Variants in ZMIZ1 observed in about 807,000 individuals in gnomAD.
ZMIZ1 encodes zinc finger MIZ domain-containing protein 1.
ZMIZ1 carries 17 observed loss-of-function variants against 113.9 expected under a neutral mutation model. That is an observed-to-expected ratio of 0.15 (90% CI 0.10 to 0.22). The LOEUF (loss-of-function observed/expected upper bound fraction) is 0.22, where lower values mean the gene tolerates loss of function less well. Ranked by LOEUF, ZMIZ1 falls within the 10% of genes least tolerant of loss-of-function variation. The pLI is 1.00. For missense variants in ZMIZ1, 1,059 were observed against 1,477.8 expected (o/e 0.72, Z 4.65); for synonymous variants, 607 against 603.1 (o/e 1.01, Z -0.09).
intron 7 of ZMIZ1, among the ~76,000 whole-genome samples, chr10:79,272,355 C>T (rs1269329908): frequency 1.3e-5 from 2 of 152,162 alleles, no homozygotes; most frequent in Non-Finnish European, 2.9e-5. Context: ...TAAACCGAAG[C>T]CCAGAGAGAT....
intron 24 of ZMIZ1, among the ~76,000 whole-genome samples, chr10:79,312,162 C>G (rs1015909676): frequency 1.3e-5 from 2 of 152,366 alleles, no homozygotes; most frequent in Admixed American, 1.3e-4. Context: ...TGGCTGCCAG[C>G]CAGCCACAGG....
At chr10:79,277,045 A>G in intron 7 of ZMIZ1, 136 bp from the exon 8 acceptor site, 1 of 1,119,432 alleles carries the variant, frequency 8.9e-7, no homozygotes, top group Non-Finnish European at 1.2e-6. Flanking sequence ...AGGGCTGAGT[A>G]AGTCTTCTGG....
chr10:79,224,240 C>T (rs1317529184), intron 7 of ZMIZ1, among the ~76,000 whole-genome samples: 1 of 152,208 alleles, frequency 6.6e-6, no homozygotes, highest in Non-Finnish European at 1.5e-5. Flanking sequence ...CAAGTAATGG[C>T]TCTATCTGGA....
chr10:79,229,472 T>G (rs1849311926), intron 7 of ZMIZ1, among the ~76,000 whole-genome samples: 1 of 152,182 alleles, frequency 6.6e-6, no homozygotes, highest in South Asian at 2.1e-4. Flanking sequence ...GGGGCTGGAC[T>G]CCTGTAGGGA....
At chr10:79,202,485 G>T (rs1347611576) in intron 5 of ZMIZ1, among the ~76,000 whole-genome samples, 2 of 152,088 alleles carry the variant, frequency 1.3e-5, no homozygotes, top group Non-Finnish European at 2.9e-5. Flanking sequence ...GAGGTCCTAG[G>T]AAATCATATC....
chr10:79,249,417 G>A (rs1042018134), intron 7 of ZMIZ1, among the ~76,000 whole-genome samples: 3 of 152,182 alleles, frequency 2.0e-5, no homozygotes, highest in African/African-American at 4.8e-5. Flanking sequence ...TGGCCAGCCC[G>A]GAGCATGAGG....
At chr10:79,229,933 C>T (rs371686450) in intron 7 of ZMIZ1, among the ~76,000 whole-genome samples, 8 of 152,136 alleles carry the variant, frequency 5.3e-5, no homozygotes, top group African/African-American at 9.7e-5. Flanking sequence ...TACAACAGCC[C>T]GCAACAGGGA....
intron 7 of ZMIZ1, among the ~76,000 whole-genome samples, chr10:79,275,147 C>T (rs745893526): frequency 3.3e-5 from 5 of 152,150 alleles, no homozygotes; most frequent in African/African-American, 4.8e-5. Flanking sequence ...GCTGGAGGCT[C>T]GTTTTTGTGT....
intron 3 of ZMIZ1, among the ~76,000 whole-genome samples, chr10:79,147,032 T>C (rs142193994): frequency 6.6e-6 from 1 of 152,240 alleles, no homozygotes; most frequent in African/African-American, 2.4e-5. Context: ...TCTCTCGCTA[T>C]TTGTCCAAGT....
intron 3 of ZMIZ1, among the ~76,000 whole-genome samples, chr10:79,155,484 T>C (rs1845871587): frequency 6.6e-6 from 1 of 152,260 alleles, no homozygotes; most frequent in South Asian, 2.1e-4. Context: ...GGTCTCAGTT[T>C]GTCTCTGTTC....
In ZMIZ1 at chr10:79,296,444, T is replaced by C; in HGVS notation, c.1231-27T>C. On this transcript the variant is annotated intron_variant, in intron 12 of 24. Transcript: ENST00000334512. This position sits in a 1 kb window ranked among gnomAD's most constrained non-coding sequence, Gnocchi z 4.1. ...TGACGTTGGCAACATTGAACGTGTT[T>C]CCCCTCTCCTTTCTCTCCCACCACA... is the stretch of plus-strand genomic sequence containing the variant. 1 of 1,612,812 alleles carries C rather than the reference T, an allele frequency of 6.2e-7. No homozygotes were observed. Among genetic ancestry groups the C allele is most frequent in the South Asian group, 1.1e-5 (1 of 91,034 alleles).
At chr10:79,297,013 A>G (rs911170531) in intron 13 of ZMIZ1, 3 of 197,228 alleles carry the variant, frequency 1.5e-5, no homozygotes, top group Non-Finnish European at 3.0e-5. Flanking sequence ...AACATGTTAT[A>G]AAATTGTTAT....
At chr10:79,117,703 G>T (rs1227245872) in intron 1 of ZMIZ1, among the ~76,000 whole-genome samples, 4 of 152,168 alleles carry the variant, frequency 2.6e-5, no homozygotes, top group Non-Finnish European at 4.4e-5. Flanking sequence ...CTTCCAAGTG[G>T]TGGGTCTAGT....
At chr10:79,237,648 G>A (rs745502052) in intron 7 of ZMIZ1, among the ~76,000 whole-genome samples, 15 of 152,204 alleles carry the variant, frequency 9.9e-5, no homozygotes, top group Middle Eastern at 3.2e-3. Flanking sequence ...AAGGACACTA[G>A]TTCTGATGGA....
chr10:79,080,112 C>T (rs1056937494), intron 1 of ZMIZ1, among the ~76,000 whole-genome samples: 3 of 152,148 alleles, frequency 2.0e-5, no homozygotes, highest in African/African-American at 2.4e-5. Flanking sequence ...AGTCACTCTG[C>T]CTCCCTGCTC....
chr10:79,194,782 C>T (rs1414754746), intron 4 of ZMIZ1, among the ~76,000 whole-genome samples: 2 of 152,154 alleles, frequency 1.3e-5, no homozygotes, highest in Admixed American at 1.3e-4. Context: ...TCCAAGCAGC[C>T]CTCTATACAT....
At chr10:79,119,434 C>A (rs61122759) in intron 2 of ZMIZ1, among the ~76,000 whole-genome samples, 1,737 of 152,310 alleles carry the variant, frequency 0.011, 32 homozygotes, top group African/African-American at 0.04. Context: ...ATCACAGCAG[C>A]CTTATGAGAG....
intron 4 of ZMIZ1, among the ~76,000 whole-genome samples, chr10:79,190,679 G>T (rs998198875): frequency 4.6e-5 from 7 of 152,160 alleles, no homozygotes; most frequent in African/African-American, 1.7e-4. Context: ...CCCCTGTGTG[G>T]CTAGGTAGAA....
chr10:79,159,512 A>T (rs766149173), intron 3 of ZMIZ1, among the ~76,000 whole-genome samples: 3 of 152,056 alleles, frequency 2.0e-5, no homozygotes, highest in Non-Finnish European at 2.9e-5. Flanking sequence ...GTGAGTGGGG[A>T]TGGGCTGCTT....
Sources: allele counts gnomAD v4.1 joint callset (sites outside exome capture counted in the v4.1 genomes callset), GRCh38; gene constraint gnomAD v4.1.1; non-coding constraint Gnocchi (gnomAD v3.1); transcripts MANE v1.5; gene names NCBI Gene and HGNC (gene_info 2026-07-23, HGNC 2026-07-21).